KIFAP3: variants seen among roughly 807,000 people sequenced by gnomAD.
KIFAP3 encodes the protein kinesin associated protein 3, also known as kinesin-associated protein 3.
Under a neutral mutation model 106.5 loss-of-function variants are expected in KIFAP3, and 68 were observed. The observed-to-expected ratio is 0.64, with a 90% CI of 0.53 to 0.78. The LOEUF is 0.78. KIFAP3 is among the 30% of genes least tolerant of loss of function. The pLI, the probability that KIFAP3 is intolerant of heterozygous loss-of-function variation, is 0.00. For synonymous variants in KIFAP3, 320 were observed against 311.5 expected (o/e 1.03, Z -0.29); for missense variants, 780 against 941.8 (o/e 0.83, Z 2.25).
intron 10 of KIFAP3, among the ~76,000 whole-genome samples, chr1:170,013,476 T>TGC (rs1381387668): frequency 7.3e-6 from 1 of 136,350 alleles, no homozygotes; most frequent in East Asian, 2.0e-4. Context: ...AAAACTGACA[T>TGC]ACATATATAT....
Position 170,038,363 on chromosome 1 carries a change from G to T in KIFAP3, c.444C>A (p.Asp148Glu), listed in dbSNP as rs1196333503. 7 of 1,608,598 alleles carry T rather than the reference G, an allele frequency of 4.4e-6. No individual in the cohort carries two copies. Among genetic ancestry groups the T allele is most frequent in the Non-Finnish European group, 5.9e-6 (7 of 1,178,788 alleles). ...GGATCAAAGCAGAACCCCGAACTTTGTCAGGAATATCTTCATATAATAACT... is the reference window on the plus strand; with the variant it reads ...GGATCAAAGCAGAACCCCGAACTTTTTCAGGAATATCTTCATATAATAACT... ...YIELLYEDIP[D>E]KVRGSALILQ... The change falls in exon 5 of 20, where the codon GAC becomes GAA. Residue 148 changes from aspartate to glutamate, a missense_variant. Asp to Glu is a conservative substitution (Grantham distance 45, BLOSUM62 2). Coordinates refer to ENST00000361580, the MANE Select transcript of KIFAP3 (RefSeq NM_014970.4).
intron 19 of KIFAP3, among the ~76,000 whole-genome samples, chr1:169,936,797 TATC>T (rs1663829645): frequency 6.6e-6 from 1 of 151,594 alleles, no homozygotes; most frequent in Non-Finnish European, 1.5e-5. Context: ...CTTTTCTAAA[TATC>T]ATTAATTCTG....
chr1:170,004,568 C>T (rs1006902364), intron 10 of KIFAP3, among the ~76,000 whole-genome samples: 2 of 152,124 alleles, frequency 1.3e-5, no homozygotes, highest in East Asian at 3.8e-4. Flanking sequence ...CTACAACTAT[C>T]TGATCTTTGA....
At chr1:170,079,088 G>A (rs375568562), upstream of KIFAP3, among the ~76,000 whole-genome samples, 15 of 152,148 alleles carry the variant, frequency 9.9e-5, no homozygotes, top group African/African-American at 3.1e-4. Context: ...TTGGAGACAG[G>A]GCCTAATGGG....
chr1:170,055,319 T>C lies in KIFAP3; in HGVS notation c.150A>G (p.Lys50=), dbSNP rs763151301. The change falls in exon 2 of 20, where the codon AAA becomes AAG. Residue 50 remains lysine, a synonymous_variant. Coordinates refer to ENST00000361580, the MANE Select transcript of KIFAP3 (RefSeq NM_014970.4). ...AAAGAACTTACATTTTTTGACATTCTTTTCGTTCTCCCAACATGGGGTCCC... is the reference window on the plus strand; with the variant it reads ...AAAGAACTTACATTTTTTGACATTCCTTTCGTTCTCCCAACATGGGGTCCC... ...EMGDPMLGER[K]ECQKIIRLKS... 1.9e-6 allele frequency: 3 copies of C among 1,600,416 alleles called. No homozygotes were observed. The highest frequency in any genetic ancestry group is 2.6e-6 in the Non-Finnish European group (3 of 1,176,454).
At chr1:169,963,492 T>C (rs1014827726) in intron 17 of KIFAP3, among the ~76,000 whole-genome samples, 2 of 152,048 alleles carry the variant, frequency 1.3e-5, no homozygotes, top group Non-Finnish European at 2.9e-5. Context: ...TCTTTTCTTT[T>C]ACCTTTTTTT....
intron 2 of KIFAP3, among the ~76,000 whole-genome samples, chr1:170,048,390 A>G (rs1186974393): frequency 6.6e-6 from 1 of 151,696 alleles, no homozygotes; most frequent in Non-Finnish European, 1.5e-5. Flanking sequence ...GCATAGAGAG[A>G]AAGGTCAATA....
intron 17 of KIFAP3, among the ~76,000 whole-genome samples, chr1:169,966,124 C>T (rs926304789): frequency 1.3e-5 from 2 of 151,746 alleles, no homozygotes; most frequent in Non-Finnish European, 3.0e-5. Flanking sequence ...TTAAGCATTT[C>T]GTACTATAAA....
At chr1:170,045,504 T>A (rs1420112835) in intron 3 of KIFAP3, among the ~76,000 whole-genome samples, 1 of 152,202 alleles carries the variant, frequency 6.6e-6, no homozygotes, top group Non-Finnish European at 1.5e-5. Context: ...ATGCAAATAG[T>A]CAGGCAAAGT....
At chr1:170,062,106 T>C (rs981758895) in intron 1 of KIFAP3, among the ~76,000 whole-genome samples, 2 of 151,662 alleles carry the variant, frequency 1.3e-5, no homozygotes, top group African/African-American at 2.4e-5. Flanking sequence ...GGCATATGTA[T>C]ACCTATGTAA....
At chr1:170,023,655 C>A (rs1227479816) in intron 9 of KIFAP3, among the ~76,000 whole-genome samples, 1 of 151,896 alleles carries the variant, frequency 6.6e-6, no homozygotes, top group African/African-American at 2.4e-5. Context: ...GATATATTGA[C>A]TACATTATTG....
chr1:169,986,018 T>G lies in KIFAP3; in HGVS notation c.1285-1328A>C, dbSNP rs972664303. Among the ~76,000 whole-genome samples, 6 of 152,002 alleles carry G rather than the reference T, an allele frequency of 3.9e-5. No individual in the cohort carries two copies. The East Asian group carries it at 7.7e-4, about 20-fold the overall frequency. ...AGAGTTTTTTCTCAGCCCAAATTGT[T>G]AACAACAAATAGAAGTTATTCCTAA... On this transcript the variant is annotated intron_variant, in intron 11 of 19. Transcript: ENST00000361580.
At chr1:169,998,393 TATATATAC>T (rs767816983) in intron 10 of KIFAP3, among the ~76,000 whole-genome samples, 5,653 of 108,562 alleles carry the variant, frequency 0.052, 190 homozygotes, top group East Asian at 0.21. Flanking sequence ...TATATATATA[TATATATAC>T]ACACACACAC....
chr1:170,022,508 T>C (rs918799914), intron 9 of KIFAP3, among the ~76,000 whole-genome samples: 2 of 152,148 alleles, frequency 1.3e-5, no homozygotes, highest in African/African-American at 4.8e-5. Flanking sequence ...CTCTAGATAC[T>C]CTAATTTGCT....
intron 19 of KIFAP3, among the ~76,000 whole-genome samples, chr1:169,947,898 T>C (rs977134210): frequency 2.3e-4 from 35 of 151,522 alleles, no homozygotes; most frequent in Non-Finnish European, 4.6e-4. Flanking sequence ...AATGTATCTA[T>C]TTTGACTTAT....
chr1:170,022,083 G>A (rs1668868997), intron 9 of KIFAP3, among the ~76,000 whole-genome samples: 1 of 151,260 alleles, frequency 6.6e-6, no homozygotes, highest in Non-Finnish European at 1.5e-5. Context: ...CCAAAAAGCT[G>A]GGATAGCCAG....
intron 19 of KIFAP3, among the ~76,000 whole-genome samples, chr1:169,939,077 C>T (rs74774397): frequency 0.015 from 2,254 of 152,054 alleles, 56 homozygotes; most frequent in African/African-American, 0.051. Context: ...ACGTGAGAGA[C>T]GTGATATGAC....
intron 7 of KIFAP3, among the ~76,000 whole-genome samples, chr1:170,034,119 C>T (rs1055839803): frequency 6.6e-5 from 10 of 151,598 alleles, no homozygotes; most frequent in African/African-American, 1.7e-4. Context: ...CTAAGTTACC[C>T]GACACAACTA....
At chr1:170,033,023 T>C (rs780050405) in intron 7 of KIFAP3, among the ~76,000 whole-genome samples, 1 of 151,730 alleles carries the variant, frequency 6.6e-6, no homozygotes, top group Middle Eastern at 3.2e-3. Flanking sequence ...TCCATACTTC[T>C]CCAGTTTAAA....
Sources: allele counts gnomAD v4.1 joint callset (sites outside exome capture counted in the v4.1 genomes callset), GRCh38; gene constraint gnomAD v4.1.1; transcripts MANE v1.5; gene names NCBI Gene and HGNC (gene_info 2026-07-23, HGNC 2026-07-21).